The following CSMD1 variants were observed in gnomAD, a reference collection of about 807,000 sequenced individuals.
The protein encoded by CSMD1 is CUB and Sushi multiple domains 1, also known as CUB and sushi domain-containing protein 1.
In CSMD1, 213 loss-of-function variants were observed where a neutral mutation model predicts 417.5. The ratio of observed to expected loss-of-function variants is 0.51; its 90% CI spans 0.46 to 0.57. The LOEUF (loss-of-function observed/expected upper bound fraction) is 0.57, where lower values mean the gene tolerates loss of function less well. CSMD1 is among the 20% of genes least tolerant of loss of function. CSMD1 has a pLI of 0.00. For synonymous variants in CSMD1, 2,862 were observed against 1,736.8 expected (o/e 1.65, Z -16.11); for missense variants, 6,923 against 4,529.7 (o/e 1.53, Z -15.17).
chr8:4,728,530 C>G (rs1809624688), intron 1 of CSMD1, among the ~76,000 whole-genome samples: 1 of 152,090 alleles, frequency 6.6e-6, no homozygotes, highest in Non-Finnish European at 1.5e-5. Flanking sequence ...TAAATAATCT[C>G]CCAATCTTTA....
rs769404370 is a variant in CSMD1, at chr8:3,407,945, C to T, written c.2025G>A (p.Gln675=). 4 of 1,613,382 alleles carry T rather than the reference C, an allele frequency of 2.5e-6. No homozygotes were observed. In the African/African-American group the frequency reaches 5.3e-5, roughly 22 times the overall value. ...SSGHIVRLEF[Q]SDHSTTGRGF... ...CTCTGCCAGTAGTGGAATGGTCAGA[C>T]TGAAATTCCAAGCGAACTATATGCC... Residue 675 remains glutamine, a synonymous_variant, in exon 14 of 70, where the codon CAG becomes CAA. Transcript: ENST00000635120.
At chr8:3,778,767 T>C (rs537384704) in intron 5 of CSMD1, among the ~76,000 whole-genome samples, 61 of 152,340 alleles carry the variant, frequency 4.0e-4, no homozygotes, top group African/African-American at 1.3e-3. Flanking sequence ...TTGCTTGTGA[T>C]TGGGTATCAT....
rs1014348469 is a variant in CSMD1 at position 4,435,829 on chromosome 8, G to A, written c.303-15764C>T. ...GTGTCCCGAACACCTTCAGGGCAGG[G>A]TGTGTGACTCCAAAGCTCACCTTCC... On this transcript the variant is annotated intron_variant, in intron 2 of 69. Coordinates refer to ENST00000635120, the MANE Select transcript of CSMD1 (RefSeq NM_033225.6). Among the ~76,000 whole-genome samples the A allele has an allele frequency of 3.3e-5, 5 of 152,186 alleles. No homozygotes were observed. In the South Asian group the frequency reaches 8.3e-4, roughly 25 times the overall value.
intron 3 of CSMD1, among the ~76,000 whole-genome samples, chr8:4,246,753 A>G (rs1010146201): frequency 3.9e-5 from 6 of 152,188 alleles, no homozygotes; most frequent in African/African-American, 1.4e-4. Context: ...AAATAAAGAA[A>G]ACAGGATCAA....
chr8:4,383,201 G>T (rs75508245), intron 3 of CSMD1, among the ~76,000 whole-genome samples: 12,691 of 152,182 alleles, frequency 0.083, 691 homozygotes, highest in South Asian at 0.19. Context: ...ATAACTCTGA[G>T]TACTGACCCA....
chr8:4,871,735 C>T (rs1473688829), intron 1 of CSMD1, among the ~76,000 whole-genome samples: 2 of 152,042 alleles, frequency 1.3e-5, no homozygotes, highest in African/African-American at 2.4e-5. Flanking sequence ...TTTCAGAGTT[C>T]ATATTATTGT....
chr8:4,306,504 A>G (rs78568258), intron 3 of CSMD1, among the ~76,000 whole-genome samples: 35 of 151,980 alleles, frequency 2.3e-4, no homozygotes, highest in African/African-American at 8.4e-4. Context: ...TCATTTCTAG[A>G]ACCACTGATA....
At chr8:3,331,193 G>A (rs1434207914) in intron 23 of CSMD1, among the ~76,000 whole-genome samples, 4 of 148,810 alleles carry the variant, frequency 2.7e-5, no homozygotes, top group East Asian at 4.0e-4. Context: ...AGCCGAGATC[G>A]TGCCACTGCA....
chr8:4,597,110 A>C (rs1585307783), intron 2 of CSMD1, among the ~76,000 whole-genome samples: 1 of 150,736 alleles, frequency 6.6e-6, no homozygotes, highest in Admixed American at 6.6e-5. Flanking sequence ...ACAACACACA[A>C]TTTTTTTTTT....
rs955885006 is a variant in CSMD1 at position 3,407,942 on chromosome 8, A to G, written c.2028T>C (p.Ser676=). The G allele has an allele frequency of 2.4e-5, 39 of 1,613,342 alleles. No homozygotes were observed. The highest frequency in any genetic ancestry group is 3.3e-5 in the Non-Finnish European group (39 of 1,179,636). The change falls in exon 14 of 70, where the codon TCT becomes TCC. Residue 676 remains serine (S), a synonymous_variant. Coordinates refer to ENST00000635120, the MANE Select transcript of CSMD1 (RefSeq NM_033225.6). Reference sequence around the variant, plus strand: ...ACCCTCTGCCAGTAGTGGAATGGTCAGACTGAAATTCCAAGCGAACTATAT... The same window carrying G: ...ACCCTCTGCCAGTAGTGGAATGGTCGGACTGAAATTCCAAGCGAACTATAT... ...SGHIVRLEFQ[S]DHSTTGRGFN...
At chr8:4,512,296 G>A (rs1434772074) in intron 2 of CSMD1, among the ~76,000 whole-genome samples, 1 of 152,086 alleles carries the variant, frequency 6.6e-6, no homozygotes, top group Non-Finnish European at 1.5e-5. Context: ...TTCTCAATCT[G>A]GTAAAGAATA....
At chr8:4,453,259 G>A (rs1419694967) in intron 2 of CSMD1, among the ~76,000 whole-genome samples, 1 of 150,284 alleles carries the variant, frequency 6.7e-6, no homozygotes, top group Non-Finnish European at 1.5e-5. Flanking sequence ...CCTCCTAGCT[G>A]TACCTAATGT....
At position 3,686,960 on chromosome 8, in the gene CSMD1, C is replaced by G. The variant is rs566396089; in HGVS notation, c.1009+21454G>C. 7.6e-4 allele frequency among the ~76,000 whole-genome samples: 115 copies of G among 152,268 alleles called. 1 individual carries two copies. Among genetic ancestry groups the G allele is most frequent in the Admixed American group, 2.7e-3 (42 of 15,298 alleles). ...CACTGGGGGGTGTCTTTTCCATATC[C>G]ACATAGAAGAAGCTTGTTCAAACGT... On this transcript the variant is annotated intron_variant, in intron 7 of 69. Transcript: ENST00000635120.
chr8:4,855,672 A>C (rs1321935393), intron 1 of CSMD1, among the ~76,000 whole-genome samples: 1 of 152,198 alleles, frequency 6.6e-6, no homozygotes, highest in Non-Finnish European at 1.5e-5. Context: ...CAGCGATGGA[A>C]GATGAAATGA....
intron 1 of CSMD1, among the ~76,000 whole-genome samples, chr8:4,656,070 A>G (rs539220950): frequency 2.0e-5 from 3 of 152,242 alleles, no homozygotes; most frequent in South Asian, 4.1e-4. Context: ...AATGTAGGGC[A>G]CAGTAATGGG....
intron 3 of CSMD1, among the ~76,000 whole-genome samples, chr8:4,174,255 G>T (rs1364758619): frequency 6.6e-6 from 1 of 152,126 alleles, no homozygotes; most frequent in Non-Finnish European, 1.5e-5. Flanking sequence ...AAAAGGAAAT[G>T]AATCTTCAGC....
intron 1 of CSMD1, among the ~76,000 whole-genome samples, chr8:4,984,977 G>A (rs1032953751): frequency 1.3e-5 from 2 of 152,164 alleles, no homozygotes; most frequent in African/African-American, 4.8e-5. Context: ...AAAGCACTCA[G>A]AGATTCATCC....
intron 51 of CSMD1, among the ~76,000 whole-genome samples, chr8:3,018,975 T>G (rs1263072734): frequency 6.6e-6 from 1 of 152,178 alleles, no homozygotes; most frequent in Admixed American, 6.5e-5. Context: ...TGGAGTGCAG[T>G]GGCGCTATCC....
intron 7 of CSMD1, among the ~76,000 whole-genome samples, chr8:3,668,836 G>T (rs1445427700): frequency 6.6e-6 from 1 of 152,144 alleles, no homozygotes; most frequent in African/African-American, 2.4e-5. Flanking sequence ...GTTATAGAAT[G>T]AACACAATTA....
Sources: allele counts gnomAD v4.1 joint callset (sites outside exome capture counted in the v4.1 genomes callset), GRCh38; gene constraint gnomAD v4.1.1; transcripts MANE v1.5; gene names NCBI Gene and HGNC (gene_info 2026-07-23, HGNC 2026-07-21).